The following EIF4EBP2 variants were observed in gnomAD, a reference collection of about 807,000 sequenced individuals.
The protein encoded by EIF4EBP2 is eukaryotic translation initiation factor 4E-binding protein 2.
A neutral mutation model predicts 10.3 loss-of-function variants in EIF4EBP2; 5 were observed. The ratio of observed to expected loss-of-function variants is 0.48; its 90% CI spans 0.25 to 1.02. The LOEUF is 1.02. Among genes scored for constraint, EIF4EBP2 ranks in the 50% least tolerant of loss-of-function variants. The pLI, the probability that EIF4EBP2 is intolerant of heterozygous loss-of-function variation, is 0.15. For synonymous variants in EIF4EBP2, 67 were observed against 61.1 expected (o/e 1.10, Z -0.45); for missense variants, 188 against 162.2 (o/e 1.16, Z -0.86).
Position 70,404,516 on chromosome 10 carries a change from G to T in EIF4EBP2, c.115G>T (p.Gly39Trp). The T allele has an allele frequency of 6.3e-7, 1 of 1,589,050 alleles. No homozygotes were observed. Among genetic ancestry groups the T allele is most frequent in the Non-Finnish European group, 8.5e-7 (1 of 1,170,924 alleles). ...ACCTCATGACTATTGCACCACGCCC[G>T]GGGGGACGCTCTTCTCCACCACACC... ...QLPHDYCTTPGGTLFSTTPGG... is the reference protein window; with the variant it reads ...QLPHDYCTTPWGTLFSTTPGG... Residue 39 changes from glycine (G) to tryptophan (W), a missense_variant, in exon 1 of 3, where the codon GGG becomes TGG. By Grantham distance (184) the Gly-to-Trp change is radical (BLOSUM62 -2). Coordinates refer to ENST00000373218, the MANE Select transcript of EIF4EBP2 (RefSeq NM_004096.5).
intron 1 of EIF4EBP2, among the ~76,000 whole-genome samples, chr10:70,410,854 A>G (rs557756881): frequency 3.3e-5 from 5 of 152,316 alleles, no homozygotes; most frequent in Admixed American, 1.3e-4. Context: ...AGAATTGTCA[A>G]GAATTCCTAG....
In EIF4EBP2 at chr10:70,409,516, C is replaced by A. The variant is rs1036005326; in HGVS notation, c.145+4970C>A. ...TAAGTAACTTGTTAGTATTAAACAGCTAATTATTGTCCGTGAGTCCCTCAA... is the reference window on the plus strand; with the variant it reads ...TAAGTAACTTGTTAGTATTAAACAGATAATTATTGTCCGTGAGTCCCTCAA... On this transcript the variant is annotated intron_variant, in intron 1 of 2. Transcript: ENST00000373218. Among the ~76,000 whole-genome samples, 6 of 152,278 alleles carry A rather than the reference C, an allele frequency of 3.9e-5. No homozygotes were observed. In the South Asian group the frequency reaches 6.2e-4, roughly 16 times the overall value.
intron 1 of EIF4EBP2, among the ~76,000 whole-genome samples, chr10:70,413,609 C>CAAAA (rs57681671): frequency 9.2e-5 from 9 of 97,358 alleles, no homozygotes; most frequent in African/African-American, 2.0e-4. Context: ...CCCTGACTCT[C>CAAAA]AAAAAAAAAA....
rs1845159462 is a variant in EIF4EBP2, at chr10:70,421,748, C to G, written c.*1C>G. On this transcript the variant is annotated 3_prime_UTR_variant, in exon 3 of 3. Transcript: ENST00000373218. ...TGCTCAGTTCGAGATGGACATCTGA[C>G]TCTCCTGCAAGGATTAGAAGAAAAG... 3 of 1,612,918 alleles carry G rather than the reference C, an allele frequency of 1.9e-6. No individual in the cohort carries two copies. The highest frequency in any genetic ancestry group is 2.5e-6 in the Non-Finnish European group (3 of 1,179,802).
Position 70,404,472 on chromosome 10 carries a change from T to A in EIF4EBP2, c.71T>A (p.Ile24Asn), listed in dbSNP as rs769400368. 6.3e-7 allele frequency: 1 copy of A among 1,599,568 alleles called. No individual in the cohort carries two copies. The highest frequency in any genetic ancestry group is 8.5e-7 in the Non-Finnish European group (1 of 1,175,286). Residue 24 changes from isoleucine (I) to asparagine (N), a missense_variant, in exon 1 of 3, where the codon ATC becomes AAC. Physicochemically the swap from Ile to Asn is moderately radical, Grantham distance 149. Transcript: ENST00000373218. ...SRAIPTRTVA[I>N]SDAAQLPHDY... ...GCCATCCCCACCCGCACCGTGGCCA[T>A]CAGCGACGCCGCGCAGCTACCTCAT...
chr10:70,420,577 C>T (rs538927971), intron 2 of EIF4EBP2, among the ~76,000 whole-genome samples: 18 of 152,254 alleles, frequency 1.2e-4, no homozygotes, highest in Non-Finnish European at 2.1e-4. Context: ...TCTTGAAATA[C>T]TCTGAAAACC....
At chr10:70,419,748 A>G (rs1178321937) in intron 1 of EIF4EBP2, among the ~76,000 whole-genome samples, 166 bp from the exon 2 acceptor site, 1 of 152,210 alleles carries the variant, frequency 6.6e-6, no homozygotes, top group Non-Finnish European at 1.5e-5. Context: ...TCCAGATGGC[A>G]GAAGAGCCTG....
At position 70,424,625 on chromosome 10, in the gene EIF4EBP2, T is replaced by C. The variant is rs1356290895; in HGVS notation, c.*2878T>C. ...GAAGGAGCACTCTTAAGTTACCACTTTGAGACAGCTCTTAACATCTTAGTG... is the reference window on the plus strand; with the variant it reads ...GAAGGAGCACTCTTAAGTTACCACTCTGAGACAGCTCTTAACATCTTAGTG... On this transcript the variant is annotated 3_prime_UTR_variant, in exon 3 of 3. Coordinates refer to ENST00000373218, the MANE Select transcript of EIF4EBP2 (RefSeq NM_004096.5). 6.6e-6 allele frequency: 1 copy of C among 152,228 alleles called. No individual in the cohort carries two copies. The highest frequency in any genetic ancestry group is 6.5e-5 in the Admixed American group (1 of 15,290). The allele number at this position is 152,228 out of a possible 1,614,324, so 9.4% of individuals were successfully genotyped here.
Position 70,426,736 on chromosome 10 carries a change from G to A in EIF4EBP2, c.*4989G>A, listed in dbSNP as rs1249824749. ...TCCAGAAGTAAAGAACTCATCTTTA[G>A]AGTACCTTTAAATGAATTTTGTTTT... On this transcript the variant is annotated 3_prime_UTR_variant, in exon 3 of 3. Coordinates refer to ENST00000373218, the MANE Select transcript of EIF4EBP2 (RefSeq NM_004096.5). 6.6e-6 allele frequency: 1 copy of A among 152,242 alleles called. No homozygotes were observed. Among genetic ancestry groups the A allele is most frequent in the Non-Finnish European group, 1.5e-5 (1 of 68,038 alleles). The allele number at this position is 152,242 out of a possible 1,614,324, so 9.4% of individuals were successfully genotyped here. A position where few individuals can be genotyped will look rare whatever the true frequency, so the allele number is the denominator to read the frequency against.
chr10:70,408,680 C>G (rs986957087), intron 1 of EIF4EBP2, among the ~76,000 whole-genome samples: 1 of 152,102 alleles, frequency 6.6e-6, no homozygotes, highest in African/African-American at 2.4e-5. Flanking sequence ...GGTTAGGTAT[C>G]GTTAGTAAAT....
In EIF4EBP2 at chr10:70,421,822, A is replaced by G. The variant is rs1254755751; in HGVS notation, c.*75A>G. ...ACCTGATTTGGCCAATAGGATCAACAGTGAAAAGACAGAAGAGGCAATACC... is the reference window on the plus strand; with the variant it reads ...ACCTGATTTGGCCAATAGGATCAACGGTGAAAAGACAGAAGAGGCAATACC... On this transcript the variant is annotated 3_prime_UTR_variant, in exon 3 of 3. Coordinates refer to ENST00000373218, the MANE Select transcript of EIF4EBP2 (RefSeq NM_004096.5). 2 of 1,455,748 alleles carry G rather than the reference A, an allele frequency of 1.4e-6. No individual in the cohort carries two copies. The highest frequency in any genetic ancestry group is 1.9e-6 in the Non-Finnish European group (2 of 1,041,516). The allele number at this position is 1,455,748 out of a possible 1,614,324, so 90.2% of individuals were successfully genotyped here. A position where few individuals can be genotyped will look rare whatever the true frequency, so the allele number is the denominator to read the frequency against.
At position 70,404,349 on chromosome 10, in the gene EIF4EBP2, C is replaced by T; in HGVS notation, c.-53C>T. On this transcript the variant is annotated 5_prime_UTR_variant, in exon 1 of 3. Coordinates refer to ENST00000373218, the MANE Select transcript of EIF4EBP2 (RefSeq NM_004096.5). ...CCTGAGGAGCCGAAGCAGCCCCGGC[C>T]CCGCCGCCGCCGCCTGCCCGCCGGA... is the stretch of plus-strand genomic sequence containing the variant. The T allele has an allele frequency of 2.0e-6, 3 of 1,481,774 alleles. No individual in the cohort carries two copies. The highest frequency in any genetic ancestry group is 4.8e-5 in the Admixed American group (2 of 41,440). The allele number at this position is 1,481,774 out of a possible 1,614,324, so 91.8% of individuals were successfully genotyped here. A position where few individuals can be genotyped will look rare whatever the true frequency, so the allele number is the denominator to read the frequency against.
rs199798164 is a variant in EIF4EBP2 at position 70,404,418 on chromosome 10, G to A, written c.17G>A (p.Gly6Asp). Residue 6 changes from glycine (G) to aspartate (D), a missense_variant, in exon 1 of 3, where the codon GGC becomes GAC. Gly to Asp is a moderately conservative substitution (Grantham distance 94). Coordinates refer to ENST00000373218, the MANE Select transcript of EIF4EBP2 (RefSeq NM_004096.5). Reference protein sequence around the residue: MSSSAGSGHQPSQSRA... With the variant: MSSSADSGHQPSQSRA... ...CCCACAGCCATGTCCTCGTCAGCCG[G>A]CAGCGGCCACCAGCCCAGCCAGAGC... 3,120 of 1,588,236 alleles carry A rather than the reference G, an allele frequency of 2.0e-3. 3 individuals are homozygous for A. Among genetic ancestry groups the A allele is most frequent in the Non-Finnish European group, 2.3e-3 (2,656 of 1,170,356 alleles).
intron 1 of EIF4EBP2, among the ~76,000 whole-genome samples, chr10:70,407,042 C>A (rs924542806): frequency 6.6e-6 from 1 of 152,000 alleles, no homozygotes; most frequent in Admixed American, 6.6e-5. Flanking sequence ...GGGCTACAGG[C>A]GTCCACCACC....
intron 1 of EIF4EBP2, among the ~76,000 whole-genome samples, chr10:70,405,680 A>G (rs576292175): frequency 6.3e-4 from 96 of 152,294 alleles, no homozygotes; most frequent in Non-Finnish European, 1.0e-3. Flanking sequence ...AACCAATCCG[A>G]TGCAGTTAGG....
rs1269421519 is a variant in EIF4EBP2 at position 70,428,165 on chromosome 10, G to A, written c.*6418G>A. On this transcript the variant is annotated 3_prime_UTR_variant, in exon 3 of 3. Transcript: ENST00000373218. Reference sequence around the variant, plus strand: ...AGATGGAGCCCATCTCTTTCCACCTGGGTGAGGAGACCCTCTGCTACTCCA... The same window carrying A: ...AGATGGAGCCCATCTCTTTCCACCTAGGTGAGGAGACCCTCTGCTACTCCA... 1 of 151,960 alleles carries A rather than the reference G, an allele frequency of 6.6e-6. No homozygotes were observed. The highest frequency in any genetic ancestry group is 1.5e-5 in the Non-Finnish European group (1 of 68,040). 9.4% of individuals were successfully genotyped at this position (151,960 alleles called of 1,614,324 possible).
chr10:70,419,794 C>T lies in EIF4EBP2; in HGVS notation c.146-120C>T, dbSNP rs1408501393. The T allele has an allele frequency of 3.9e-6, 3 of 774,400 alleles. No homozygotes were observed. The African/African-American group carries it at 5.4e-5, about 14-fold the overall frequency. The allele number at this position is 774,400 out of a possible 1,614,324, so 48.0% of individuals were successfully genotyped here. A position where few individuals can be genotyped will look rare whatever the true frequency, so the allele number is the denominator to read the frequency against. ...GAGAGGTTAGAGATTATGCTTTCAA[C>T]TTGAATTGTAAAATCCTTAAAAGTT... On this transcript the variant is annotated intron_variant, in intron 1 of 2. Transcript: ENST00000373218.
In EIF4EBP2 at chr10:70,404,293, G is replaced by A; in HGVS notation, c.-109G>A. ...GACGAGGGAACGGGAGGAAGCGAGC[G>A]AGGAGCGCGCAGAGCGCGCTTTTCC... On this transcript the variant is annotated 5_prime_UTR_variant, in exon 1 of 3. Transcript: ENST00000373218. 2.2e-6 allele frequency: 3 copies of A among 1,356,356 alleles called. No homozygotes were observed. The highest frequency in any genetic ancestry group is 3.2e-5 in the South Asian group (2 of 63,368). 84.0% of individuals were successfully genotyped at this position (1,356,356 alleles called of 1,614,324 possible). A position where few individuals can be genotyped will look rare whatever the true frequency, so the allele number is the denominator to read the frequency against.
intron 2 of EIF4EBP2, 126 bp downstream of exon 2, chr10:70,420,225 A>T: frequency 2.1e-5 from 19 of 917,580 alleles, no homozygotes; most frequent in Non-Finnish European, 2.7e-5. Context: ...TTTGAGACAC[A>T]GTCTCATTCT....
Sources: gnomAD v4.1 joint callset for allele counts (sites outside exome capture counted in the v4.1 genomes callset) on GRCh38, gnomAD v4.1.1 for gene constraint, MANE v1.5 for transcripts, NCBI Gene and HGNC (gene_info 2026-07-23, HGNC 2026-07-21) for gene names.